HSD17B12: variants seen among roughly 807,000 people sequenced by gnomAD.
The protein encoded by HSD17B12 is very-long-chain 3-oxoacyl-CoA reductase.
HSD17B12 carries 32 observed loss-of-function variants against 39.3 expected under a neutral mutation model. The ratio of observed to expected loss-of-function variants is 0.81; its 90% confidence interval spans 0.61 to 1.09. The LOEUF (loss-of-function observed/expected upper bound fraction) is 1.09. HSD17B12 is among the 50% of genes least tolerant of loss of function. The probability of loss-of-function intolerance (pLI) is 0.00; values close to 1 mark genes in which losing one functional copy is unlikely to be tolerated. For synonymous variants in HSD17B12, 150 were observed against 146.7 expected (o/e 1.02, Z -0.16); for missense variants, 342 against 382.9 (o/e 0.89, Z 0.89).
chr11:43,842,893 C>T (rs1295784414), intron 9 of HSD17B12, among the ~76,000 whole-genome samples: 4 of 152,168 alleles, frequency 2.6e-5, no homozygotes, highest in African/African-American at 9.7e-5. Context: ...TCTAAAATTC[C>T]GTTAATAAGC....
intron 4 of HSD17B12, among the ~76,000 whole-genome samples, chr11:43,813,171 A>G (rs1565098517): frequency 1.3e-5 from 2 of 152,192 alleles, no homozygotes; most frequent in East Asian, 3.9e-4. Context: ...TCATAACCAG[A>G]ATAACACTTC....
At chr11:43,837,772 C>A (rs1169915056) in intron 7 of HSD17B12, among the ~76,000 whole-genome samples, 1 of 152,154 alleles carries the variant, frequency 6.6e-6, no homozygotes, top group Non-Finnish European at 1.5e-5. Flanking sequence ...CATAGCCATT[C>A]ACTCATTGCC....
intron 1 of HSD17B12, among the ~76,000 whole-genome samples, chr11:43,702,132 G>GTGTTCACATTGTTCA (rs1393099216): frequency 1.3e-5 from 2 of 152,108 alleles, no homozygotes; most frequent in African/African-American, 2.4e-5. Context: ...ATTGTTCACT[G>GTGTTCACATTGTTCA]TTGGCATATA....
At chr11:43,742,750 T>TTG (rs1565071850) in intron 1 of HSD17B12, among the ~76,000 whole-genome samples, 2 of 151,612 alleles carry the variant, frequency 1.3e-5, no homozygotes, top group African/African-American at 4.9e-5. Context: ...TCCAGTTTTT[T>TTG]TGTGTGTGTG....
chr11:43,796,445 G>GA (rs1406926765), intron 3 of HSD17B12, among the ~76,000 whole-genome samples: 1 of 152,122 alleles, frequency 6.6e-6, no homozygotes, highest in African/African-American at 2.4e-5. Context: ...CATGATTCTG[G>GA]GAAATCTAGG....
the HSD17B12 span, among the ~76,000 whole-genome samples, chr11:43,601,010 TA>T: frequency 5.9e-5 from 9 of 151,898 alleles, no homozygotes; most frequent in African/African-American, 1.2e-4. Flanking sequence ...CATATACATA[TA>T]TTTTTTTCAA....
At chr11:43,747,968 C>T (rs568319950) in intron 1 of HSD17B12, among the ~76,000 whole-genome samples, 1 of 151,952 alleles carries the variant, frequency 6.6e-6, no homozygotes, top group African/African-American at 2.4e-5. Flanking sequence ...GAGGCTGGTC[C>T]CCAACAGTTC....
chr11:43,639,785 C>G, the HSD17B12 span, among the ~76,000 whole-genome samples: 1 of 152,154 alleles, frequency 6.6e-6, no homozygotes, highest in Non-Finnish European at 1.5e-5. Context: ...TTCTATGTTG[C>G]TGTGAAGCAC....
chr11:43,710,545 C>T (rs1950055560), intron 1 of HSD17B12, among the ~76,000 whole-genome samples: 2 of 151,972 alleles, frequency 1.3e-5, no homozygotes, highest in African/African-American at 4.8e-5. Context: ...GATTTAAGTT[C>T]CTTCAAAATA....
chr11:43,673,200 T>C, the HSD17B12 span: 2 of 152,260 alleles, frequency 1.3e-5, no homozygotes, highest in Non-Finnish European at 2.9e-5. Flanking sequence ...ACTTTCATTC[T>C]ATAGAACTAC....
intron 1 of HSD17B12, among the ~76,000 whole-genome samples, chr11:43,684,596 C>T (rs374861681): frequency 2.0e-5 from 3 of 152,158 alleles, no homozygotes; most frequent in Non-Finnish European, 4.4e-5. Context: ...GCACTCTGAG[C>T]ACTTATTTTT....
At chr11:43,709,141 TTTGAGACAGAGCC>T (rs1950041832) in intron 1 of HSD17B12, among the ~76,000 whole-genome samples, 2 of 152,362 alleles carry the variant, frequency 1.3e-5, no homozygotes, top group African/African-American at 4.8e-5. Context: ...TTTTCTTTTT[TTTGAGACAGAGCC>T]TTGCCCTGTC....
intron 7 of HSD17B12, chr11:43,834,173 C>G (rs565182839): frequency 6.6e-6 from 1 of 152,128 alleles, no homozygotes; most frequent in African/African-American, 2.4e-5. Context: ...CCCCTATGTT[C>G]TAAGATTCTT....
the HSD17B12 span, among the ~76,000 whole-genome samples, chr11:43,670,833 T>A: frequency 6.6e-6 from 1 of 151,754 alleles, no homozygotes; most frequent in Non-Finnish European, 1.5e-5. Flanking sequence ...TGCAGTGAGC[T>A]ATGATCATAC....
chr11:43,784,346 T>C (rs1434215094), intron 3 of HSD17B12, among the ~76,000 whole-genome samples: 1 of 141,868 alleles, frequency 7.0e-6, no homozygotes, highest in East Asian at 2.1e-4. Context: ...ATTATTATTA[T>C]TTTAACTGCC....
At chr11:43,580,881 G>A in the HSD17B12 span, among the ~76,000 whole-genome samples, 1 of 152,064 alleles carries the variant, frequency 6.6e-6, no homozygotes, top group African/African-American at 2.4e-5. Context: ...GCACCAATGA[G>A]CTGGCGGCCT....
intron 1 of HSD17B12, among the ~76,000 whole-genome samples, chr11:43,738,749 C>G (rs1950338513): frequency 6.6e-6 from 1 of 152,150 alleles, no homozygotes; most frequent in South Asian, 2.1e-4. Flanking sequence ...CAGACAGACC[C>G]TGCTCTTACA....
In HSD17B12 at chr11:43,816,307, A is replaced by G. The variant is rs982900829; in HGVS notation, c.457-40A>G. 2.1e-6 allele frequency: 3 copies of G among 1,410,516 alleles called. No homozygotes were observed. The African/African-American group carries it at 4.4e-5, about 21-fold the overall frequency. 87.4% of individuals were successfully genotyped at this position (1,410,516 alleles called of 1,614,324 possible). The stretch of plus-strand genomic sequence containing the variant: ...GTAGATATCTAATAGGGTCACTTTC[A>G]TGATCAAGTGTATATAAAATTCTCA... On this transcript the variant is annotated intron_variant, in intron 5 of 10. Coordinates refer to ENST00000278353, the MANE Select transcript of HSD17B12 (RefSeq NM_016142.3).
intron 3 of HSD17B12, among the ~76,000 whole-genome samples, chr11:43,779,261 T>C (rs1267635640): frequency 6.6e-6 from 1 of 152,178 alleles, no homozygotes; most frequent in African/African-American, 2.4e-5. Flanking sequence ...GCAATAAAAA[T>C]TCTAAGGAAA....
Sources: allele counts gnomAD v4.1 joint callset (sites outside exome capture counted in the v4.1 genomes callset), GRCh38; gene constraint gnomAD v4.1.1; transcripts MANE v1.5; gene names NCBI Gene and HGNC (gene_info 2026-07-23, HGNC 2026-07-21).